The following ZNF329 variants were observed in gnomAD, a reference collection of about 807,000 sequenced individuals.
ZNF329 encodes zinc finger protein 329.
ZNF329 carries 15 observed loss-of-function variants against 26.6 expected under a neutral mutation model. The ratio of observed to expected loss-of-function variants is 0.56; its 90% CI spans 0.38 to 0.87. The LOEUF (loss-of-function observed/expected upper bound fraction) is 0.87, where lower values mean the gene tolerates loss of function less well. Ranked by LOEUF, ZNF329 falls within the 40% of genes least tolerant of loss-of-function variation. ZNF329 has a pLI of 0.00. For synonymous variants in ZNF329, 239 were observed against 233.5 expected (o/e 1.02, Z -0.21); for missense variants, 651 against 651.9 (o/e 1.00, Z 0.02).
chr19:58,137,810 A>T (rs1288479900), intron 3 of ZNF329, among the ~76,000 whole-genome samples: 1 of 34,686 alleles, frequency 2.9e-5, no homozygotes, highest in East Asian at 4.0e-4. Flanking sequence ...CAAAAAATAC[A>T]AAAAAAAAAA....
intron 3 of ZNF329, among the ~76,000 whole-genome samples, chr19:58,139,451 G>C (rs1046038849): frequency 1.3e-5 from 2 of 152,140 alleles, no homozygotes; most frequent in Non-Finnish European, 2.9e-5. Flanking sequence ...TCCAAAATCA[G>C]TGTGTCAGCA....
chr19:58,149,417 G>C (rs1018309273), intron 1 of ZNF329, among the ~76,000 whole-genome samples: 5 of 152,042 alleles, frequency 3.3e-5, no homozygotes, highest in Non-Finnish European at 7.4e-5. Context: ...GTTATAGCTC[G>C]GGACCCCCTT....
rs1315453071 is a variant in ZNF329 at position 58,128,409 on chromosome 19, G to GTT, written c.1094_1095insAA (p.His365GlnfsTer107). 6.2e-7 allele frequency: 1 copy of GTT among 1,614,088 alleles called. No individual in the cohort carries two copies. The highest frequency in any genetic ancestry group is 8.5e-7 in the Non-Finnish European group (1 of 1,180,012). Reference sequence around the variant, plus strand: ...CACACTCAAAGGGCTTTTCTCCAGTGTGAGTCCTCTCATGCTGGGTGAGGT... The same window carrying GTT: ...CACACTCAAAGGGCTTTTCTCCAGTGTTTGAGTCCTCTCATGCTGGGTGAGGT... On this transcript the variant is annotated frameshift_variant, in exon 4 of 4. Coordinates refer to ENST00000598312, the MANE Select transcript of ZNF329 (RefSeq NM_024620.4). LOFTEE classifies it high-confidence loss of function.
intron 1 of ZNF329, among the ~76,000 whole-genome samples, chr19:58,146,075 C>T (rs1045718826): frequency 2.7e-5 from 4 of 150,834 alleles, no homozygotes; most frequent in African/African-American, 4.9e-5. Context: ...GTCAATGTAA[C>T]ACAGGATCCT....
rs1349305139 is a variant in ZNF329 at position 58,128,262 on chromosome 19, G to A, written c.1242C>T (p.Leu414=). The A allele has an allele frequency of 6.2e-7, 1 of 1,604,422 alleles. No individual in the cohort carries two copies. The highest frequency in any genetic ancestry group is 8.5e-7 in the Non-Finnish European group (1 of 1,174,918). ...CAGTATGAATCCTCTGATGCCTGATGAGGTACGCACTCTCGATGAAAGTCT... is the reference window on the plus strand; with the variant it reads ...CAGTATGAATCCTCTGATGCCTGATAAGGTACGCACTCTCGATGAAAGTCT... The part of the protein sequence containing the change: ...CGKTFIESAY[L]IRHQRIHTGE... Residue 414 remains leucine (L), a synonymous_variant, in exon 4 of 4, where the codon CTC becomes CTT. Transcript: ENST00000598312.
rs957082205 is a variant in ZNF329 at position 58,131,936 on chromosome 19, T to C, written c.-8-2425A>G. Among the ~76,000 whole-genome samples the C allele has an allele frequency of 4.2e-5, 6 of 142,228 alleles. No individual in the cohort carries two copies. The South Asian group carries it at 6.5e-4, about 15-fold the overall frequency. The allele number at this position is 142,228 out of a possible 152,430, so 93.3% of individuals were successfully genotyped here. On this transcript the variant is annotated intron_variant, in intron 3 of 3. Transcript: ENST00000598312. ...TACTTGGGAGGCTGAGGCAGGAGAA[T>C]GGCATGAACCCGGGAGGCAGAGCTT...
At chr19:58,131,682 A>G (rs79763647) in intron 3 of ZNF329, among the ~76,000 whole-genome samples, 7,767 of 152,182 alleles carry the variant, frequency 0.051, 675 homozygotes, top group African/African-American at 0.18. Flanking sequence ...AAGAAAAAAA[A>G]TGGGCAAAGT....
intron 3 of ZNF329, among the ~76,000 whole-genome samples, chr19:58,137,326 G>T (rs778673625): frequency 6.6e-6 from 1 of 152,130 alleles, no homozygotes; most frequent in Non-Finnish European, 1.5e-5. Flanking sequence ...GGCCGAGGCA[G>T]GTGGATCACC....
intron 3 of ZNF329, among the ~76,000 whole-genome samples, chr19:58,141,330 G>A (rs1038762950): frequency 6.7e-5 from 10 of 149,976 alleles, no homozygotes; most frequent in Non-Finnish European, 1.5e-4. Context: ...ACAGAGTCTC[G>A]CTGTGTTGCC....
rs773073937 is a variant in ZNF329, at chr19:58,128,492, T to C, written c.1012A>G (p.Thr338Ala). ...CTACACTCATAGGGCTTCTCACCGG[T>C]GTGGATTCTGAGATGCACTGTAAGG... Reference protein sequence around the residue: ...SHLTVHLRIHTGEKPYECSKC... With the variant: ...SHLTVHLRIHAGEKPYECSKC... Residue 338 changes from threonine (T) to alanine (A), a missense_variant, in exon 4 of 4, where the codon ACC becomes GCC. By Grantham distance (58) the Thr-to-Ala change is moderately conservative. Transcript: ENST00000598312. The C allele has an allele frequency of 3.7e-6, 6 of 1,613,758 alleles. No individual in the cohort carries two copies. Among genetic ancestry groups the C allele is most frequent in the African/African-American group, 2.7e-5 (2 of 74,902 alleles).
intron 3 of ZNF329, chr19:58,136,976 C>T (rs1446446912): frequency 5.2e-6 from 1 of 190,552 alleles, no homozygotes; most frequent in Admixed American, 4.8e-5. Context: ...AAGCCATAAA[C>T]TCAAAGTGAT....
intron 3 of ZNF329, among the ~76,000 whole-genome samples, chr19:58,137,503 G>A (rs558753029): frequency 1.1e-4 from 17 of 152,066 alleles, no homozygotes; most frequent in African/African-American, 3.6e-4. Context: ...GCAGTGAGCC[G>A]AGATCGTGCC....
chr19:58,152,823 C>G (rs1238241227), upstream of ZNF329, among the ~76,000 whole-genome samples: 1 of 152,006 alleles, frequency 6.6e-6, no homozygotes, highest in Non-Finnish European at 1.5e-5. Flanking sequence ...TGCCACTGCA[C>G]TCCAGCCTGG....
At position 58,128,245 on chromosome 19, in the gene ZNF329, A is replaced by G. The variant is rs2074846496; in HGVS notation, c.1259T>C (p.Ile420Thr). Residue 420 changes from isoleucine (I) to threonine (T), a missense_variant, in exon 4 of 4, where the codon ATT becomes ACT. Transcript: ENST00000598312. ...ESAYLIRHQR[I>T]HTGEKPYGCN... is the part of the protein sequence containing the mutation. The stretch of plus-strand genomic sequence containing the variant: ...GCCATAGGGCTTCTCGCCAGTATGA[A>G]TCCTCTGATGCCTGATGAGGTACGC... 1 of 1,599,044 alleles carries G rather than the reference A, an allele frequency of 6.3e-7. No individual in the cohort carries two copies. Among genetic ancestry groups the G allele is most frequent in the Non-Finnish European group, 8.5e-7 (1 of 1,172,406 alleles).
upstream of ZNF329, among the ~76,000 whole-genome samples, chr19:58,154,440 G>A (rs905979363): frequency 1.3e-5 from 2 of 152,178 alleles, no homozygotes; most frequent in Non-Finnish European, 2.9e-5. Context: ...CAGTCCTCTT[G>A]CCAGAAAGGC....
intron 1 of ZNF329, among the ~76,000 whole-genome samples, chr19:58,150,446 A>G (rs979878271): frequency 4.6e-5 from 7 of 152,196 alleles, no homozygotes; most frequent in Non-Finnish European, 1.0e-4. Context: ...GGCGGGCTAG[A>G]GATGCGAGCG....
rs761593280 is a variant in ZNF329, at chr19:58,128,351, GA to G, written c.1152del (p.His385ThrfsTer86). ...AECGKSFNRN[S>X]HLIVHQKIHS... Reference sequence around the variant, plus strand: ...TGGATCTTTTGATGCACAATGAGGTGAGAGTTTCTGTTGAAGGATTTCCCGC... The same window carrying G: ...TGGATCTTTTGATGCACAATGAGGTGGAGTTTCTGTTGAAGGATTTCCCGC... On this transcript the variant is annotated frameshift_variant, in exon 4 of 4. Coordinates refer to ENST00000598312, the MANE Select transcript of ZNF329 (RefSeq NM_024620.4). LOFTEE classifies it high-confidence loss of function. 6.2e-7 allele frequency: 1 copy of G among 1,614,096 alleles called. No individual in the cohort carries two copies. Among genetic ancestry groups the G allele is most frequent in the Non-Finnish European group, 8.5e-7 (1 of 1,180,030 alleles).
intron 1 of ZNF329, among the ~76,000 whole-genome samples, chr19:58,147,319 C>T (rs1355980726): frequency 6.0e-5 from 9 of 151,018 alleles, no homozygotes; most frequent in Middle Eastern, 3.4e-3. Context: ...GCCAGGCAGC[C>T]GCCCCGTCTG....
intron 3 of ZNF329, 45 bp from the exon 4 acceptor site, chr19:58,129,556 T>C (rs546508204): frequency 1.3e-6 from 2 of 1,484,182 alleles, no homozygotes; most frequent in East Asian, 2.3e-5. Flanking sequence ...TGAAGCTTTA[T>C]CTGTAAGAGA....
Sources: gnomAD v4.1 joint callset for allele counts (sites outside exome capture counted in the v4.1 genomes callset) on GRCh38, gnomAD v4.1.1 for gene constraint, MANE v1.5 for transcripts, NCBI Gene and HGNC (gene_info 2026-07-23, HGNC 2026-07-21) for gene names.